Variants in NAALADL2 observed in about 807,000 individuals in gnomAD.
The protein encoded by NAALADL2 is N-acetylated alpha-linked acidic dipeptidase like 2.
A neutral mutation model predicts 87.2 loss-of-function variants in NAALADL2; 76 were observed. The observed-to-expected ratio is 0.87, with a 90% CI of 0.72 to 1.05. The LOEUF (loss-of-function observed/expected upper bound fraction) is 1.05. NAALADL2 is among the 50% of genes least tolerant of loss of function. The pLI is 0.00. For synonymous variants in NAALADL2, 354 were observed against 331.0 expected (o/e 1.07, Z -0.75); for missense variants, 1,089 against 945.8 (o/e 1.15, Z -1.99).
chr3:174,759,738 T>C (rs1183955686), intron 3 of NAALADL2, among the ~76,000 whole-genome samples: 5 of 151,988 alleles, frequency 3.3e-5, no homozygotes, highest in Non-Finnish European at 7.4e-5. Context: ...CTTGCTCTTG[T>C]TGCCCAGGCT....
At chr3:175,338,438 T>C (rs1304315256) in intron 5 of NAALADL2, among the ~76,000 whole-genome samples, 1 of 151,864 alleles carries the variant, frequency 6.6e-6, no homozygotes, top group Non-Finnish European at 1.5e-5. Context: ...AATAAGGAGA[T>C]AGGAGTTGGG....
intron 3 of NAALADL2, among the ~76,000 whole-genome samples, chr3:174,854,289 A>G (rs1199108375): frequency 6.6e-6 from 1 of 152,214 alleles, no homozygotes; most frequent in South Asian, 2.1e-4. Flanking sequence ...CAGAAAGATA[A>G]ATATTGCATG....
At chr3:175,404,816 C>A (rs975501560) in intron 5 of NAALADL2, among the ~76,000 whole-genome samples, 8 of 152,156 alleles carry the variant, frequency 5.3e-5, no homozygotes, top group Non-Finnish European at 8.8e-5. Context: ...TTACTACTAT[C>A]CATGTGGTGA....
At position 175,399,415 on chromosome 3, in the gene NAALADL2, G is replaced by A. The variant is rs147750277; in HGVS notation, c.1091-47814G>A. Reference sequence around the variant, plus strand: ...CAGTTTATTAGGAAAATAAAGGAATGAAAGTATAGCTACTCCATAGACAGA... The same window carrying A: ...CAGTTTATTAGGAAAATAAAGGAATAAAAGTATAGCTACTCCATAGACAGA... On this transcript the variant is annotated intron_variant, in intron 5 of 13. Transcript: ENST00000454872. Among the ~76,000 whole-genome samples the A allele has an allele frequency of 8.2e-3, 1,250 of 152,158 alleles. 13 individuals carry two copies. Among genetic ancestry groups the A allele is most frequent in the African/African-American group, 0.029 (1,197 of 41,538 alleles).
At chr3:175,601,342 A>G (rs561290671) in intron 10 of NAALADL2, among the ~76,000 whole-genome samples, 2 of 152,334 alleles carry the variant, frequency 1.3e-5, no homozygotes, top group South Asian at 2.1e-4. Context: ...TACTTGACAT[A>G]GTGAATGCAT....
chr3:175,463,372 CA>C (rs1560591313), intron 6 of NAALADL2, 28 bp from the exon 7 acceptor site: 4 of 1,358,302 alleles, frequency 2.9e-6, no homozygotes, highest in Non-Finnish European at 4.0e-6. Flanking sequence ...TATAAAGAAG[CA>C]AAAGTCTTTA....
At chr3:175,123,920 CT>C (rs1304112806) in intron 2 of NAALADL2, among the ~76,000 whole-genome samples, 6 of 151,844 alleles carry the variant, frequency 4.0e-5, no homozygotes, top group Non-Finnish European at 8.8e-5. Context: ...TGTGTTTTTT[CT>C]TTTTGTCTAA....
chr3:175,232,652 G>A (rs181764194), intron 2 of NAALADL2, among the ~76,000 whole-genome samples: 9 of 152,150 alleles, frequency 5.9e-5, no homozygotes, highest in South Asian at 2.1e-4. Context: ...CAGAGCTGTC[G>A]TGGGGCCATA....
chr3:175,560,620 C>A (rs1205452103), intron 9 of NAALADL2, among the ~76,000 whole-genome samples: 1 of 151,596 alleles, frequency 6.6e-6, no homozygotes, highest in African/African-American at 2.4e-5. Context: ...TATAAATTTC[C>A]CTCTTAGTAC....
chr3:174,726,646 T>G (rs935565709), intron 2 of NAALADL2, among the ~76,000 whole-genome samples: 1 of 152,136 alleles, frequency 6.6e-6, no homozygotes, highest in Non-Finnish European at 1.5e-5. Flanking sequence ...CTGTCTTCTC[T>G]GAGCTTCTGT....
At chr3:175,488,511 A>T (rs548411795) in intron 9 of NAALADL2, among the ~76,000 whole-genome samples, 1 of 152,366 alleles carries the variant, frequency 6.6e-6, no homozygotes, top group South Asian at 2.1e-4. Flanking sequence ...ACATTCATTA[A>T]ATGTGATTTT....
chr3:175,111,872 C>T (rs1724248849), intron 2 of NAALADL2, among the ~76,000 whole-genome samples: 2 of 151,576 alleles, frequency 1.3e-5, no homozygotes, highest in African/African-American at 4.8e-5. Context: ...GAATTTATAT[C>T]ACAGCAACAC....
At chr3:175,082,708 C>T (rs922761151) in intron 1 of NAALADL2, among the ~76,000 whole-genome samples, 1 of 152,140 alleles carries the variant, frequency 6.6e-6, no homozygotes, top group Non-Finnish European at 1.5e-5. Flanking sequence ...ACAATTTGTT[C>T]ATGCTTTAGG....
intron 2 of NAALADL2, among the ~76,000 whole-genome samples, chr3:174,730,773 T>C (rs1010680056): frequency 1.3e-5 from 2 of 152,096 alleles, no homozygotes; most frequent in African/African-American, 2.4e-5. Flanking sequence ...CATTAAAATA[T>C]AAAAGACTGA....
At chr3:175,169,394 A>G (rs1423497848) in intron 2 of NAALADL2, among the ~76,000 whole-genome samples, 3 of 151,280 alleles carry the variant, frequency 2.0e-5, no homozygotes, top group Admixed American at 6.6e-5. Context: ...TCTAGCTTCT[A>G]TGAATCTCAG....
intron 11 of NAALADL2, chr3:175,718,219 T>C: frequency 1.0e-6 from 1 of 996,160 alleles, no homozygotes; most frequent in South Asian, 1.6e-5. Flanking sequence ...TTTTTTTTTT[T>C]TTTTGATTAG....
intron 2 of NAALADL2, among the ~76,000 whole-genome samples, chr3:175,157,110 TAAA>T (rs142110372): frequency 1.3e-5 from 2 of 151,694 alleles, no homozygotes; most frequent in African/African-American, 4.8e-5. Flanking sequence ...TGTACTTAGT[TAAA>T]AAAAAGTCAT....
chr3:175,111,891 T>A (rs892579103), intron 2 of NAALADL2, among the ~76,000 whole-genome samples: 4 of 151,582 alleles, frequency 2.6e-5, no homozygotes, highest in Non-Finnish European at 4.4e-5. Context: ...ACAACCAATT[T>A]GGAAACAGAC....
chr3:175,064,229 T>G (rs1559978797), intron 1 of NAALADL2, among the ~76,000 whole-genome samples: 1 of 149,290 alleles, frequency 6.7e-6, no homozygotes, highest in Non-Finnish European at 1.5e-5. Context: ...GAAAATAGTT[T>G]ACTCTTGGGG....
Sources: allele counts gnomAD v4.1 joint callset (sites outside exome capture counted in the v4.1 genomes callset), GRCh38; gene constraint gnomAD v4.1.1; transcripts MANE v1.5; gene names NCBI Gene and HGNC (gene_info 2026-07-23, HGNC 2026-07-21).